CNTNAP2: variants seen among roughly 807,000 people sequenced by gnomAD.
CNTNAP2 encodes contactin associated protein 2, also known as contactin-associated protein-like 2.
CNTNAP2 carries 98 observed loss-of-function variants against 155.2 expected under a neutral mutation model. The ratio of observed to expected loss-of-function variants is 0.63; its 90% CI spans 0.54 to 0.75. The LOEUF (loss-of-function observed/expected upper bound fraction) is 0.75, where lower values mean the gene tolerates loss of function less well. Ranked by LOEUF, CNTNAP2 falls within the 30% of genes least tolerant of loss-of-function variation. The pLI, the probability that CNTNAP2 is intolerant of heterozygous loss-of-function variation, is 0.00. For synonymous variants in CNTNAP2, 651 were observed against 631.2 expected (o/e 1.03, Z -0.47); for missense variants, 1,727 against 1,688.1 (o/e 1.02, Z -0.40).
chr7:148,283,255 A>AG (rs1277840999), intron 21 of CNTNAP2, among the ~76,000 whole-genome samples: 4 of 63,626 alleles, frequency 6.3e-5, no homozygotes, highest in African/African-American at 6.1e-5. Context: ...AAAAAAAAAA[A>AG]AAAGAAAGAA....
chr7:148,131,701 A>T (rs1325115069), intron 16 of CNTNAP2, among the ~76,000 whole-genome samples: 1 of 152,206 alleles, frequency 6.6e-6, no homozygotes, highest in African/African-American at 2.4e-5. Context: ...CCATTCTAGG[A>T]GCTAACAGTA....
intron 13 of CNTNAP2, among the ~76,000 whole-genome samples, chr7:147,789,560 G>A (rs1797788995): frequency 6.6e-6 from 1 of 152,092 alleles, no homozygotes; most frequent in South Asian, 2.1e-4. Flanking sequence ...CCCTTGTGAT[G>A]GTTAATATTG....
chr7:146,323,076 C>A (rs1394513031), intron 1 of CNTNAP2, among the ~76,000 whole-genome samples: 1 of 151,826 alleles, frequency 6.6e-6, no homozygotes, highest in Non-Finnish European at 1.5e-5. Context: ...TGGAAAATTA[C>A]CTATATGTGA....
At chr7:147,532,900 T>C (rs1282459412) in intron 11 of CNTNAP2, among the ~76,000 whole-genome samples, 1 of 152,184 alleles carries the variant, frequency 6.6e-6, no homozygotes, top group Non-Finnish European at 1.5e-5. Context: ...ATGTGGGAAT[T>C]CTGGGAGATA....
At chr7:147,926,097 A>G (rs557725720) in intron 14 of CNTNAP2, among the ~76,000 whole-genome samples, 1 of 152,326 alleles carries the variant, frequency 6.6e-6, no homozygotes, top group South Asian at 2.1e-4. Flanking sequence ...TGTTTAAATC[A>G]GATGTAAATG....
At chr7:147,909,359 C>A (rs914178060) in intron 14 of CNTNAP2, among the ~76,000 whole-genome samples, 1 of 152,062 alleles carries the variant, frequency 6.6e-6, no homozygotes, top group Non-Finnish European at 1.5e-5. Context: ...TGTTCTTTTT[C>A]TAAGAACTCT....
chr7:147,191,057 A>G (rs1802670676), intron 8 of CNTNAP2, among the ~76,000 whole-genome samples: 2 of 152,172 alleles, frequency 1.3e-5, no homozygotes, highest in South Asian at 2.1e-4. Flanking sequence ...GAAAGAAAGA[A>G]AAGAAGAAAA....
At chr7:146,985,702 T>C (rs1165115893) in intron 3 of CNTNAP2, among the ~76,000 whole-genome samples, 1 of 152,130 alleles carries the variant, frequency 6.6e-6, no homozygotes, top group African/African-American at 2.4e-5. Flanking sequence ...ATCAACACAG[T>C]CGATAAGTTT....
intron 1 of CNTNAP2, among the ~76,000 whole-genome samples, chr7:146,240,398 C>A (rs1799540825): frequency 6.6e-6 from 1 of 151,804 alleles, no homozygotes; most frequent in Non-Finnish European, 1.5e-5. Flanking sequence ...AAAATTAATA[C>A]CTTGAAATAA....
chr7:148,042,764 T>C (rs947254217), intron 15 of CNTNAP2, among the ~76,000 whole-genome samples: 1 of 152,208 alleles, frequency 6.6e-6, no homozygotes, highest in Non-Finnish European at 1.5e-5. Flanking sequence ...ATCCTCAATA[T>C]GCCTGCATAA....
chr7:147,653,822 A>C (rs535683761), intron 13 of CNTNAP2, among the ~76,000 whole-genome samples: 1 of 152,370 alleles, frequency 6.6e-6, no homozygotes, highest in African/African-American at 2.4e-5. Flanking sequence ...CAAATGTTAA[A>C]ATCAATTAAT....
chr7:147,063,848 A>T (rs989619383), intron 4 of CNTNAP2, among the ~76,000 whole-genome samples: 4 of 152,184 alleles, frequency 2.6e-5, no homozygotes, highest in African/African-American at 9.7e-5. Context: ...AATATAAAAA[A>T]TATAAAAGCA....
intron 13 of CNTNAP2, among the ~76,000 whole-genome samples, chr7:147,709,172 C>T (rs991029434): frequency 8.5e-5 from 13 of 152,060 alleles, no homozygotes; most frequent in African/African-American, 1.9e-4. Context: ...AGGCAATGGC[C>T]GAGCAGAATG....
At chr7:147,195,755 A>AT (rs368745987) in intron 8 of CNTNAP2, among the ~76,000 whole-genome samples, 25 of 152,188 alleles carry the variant, frequency 1.6e-4, no homozygotes, top group African/African-American at 5.5e-4. Flanking sequence ...GTTTTTGCAC[A>AT]TTGATTTTGT....
chr7:146,555,657 AC>A (rs1362983159), intron 1 of CNTNAP2, among the ~76,000 whole-genome samples: 1 of 152,202 alleles, frequency 6.6e-6, no homozygotes, highest in Non-Finnish European at 1.5e-5. Flanking sequence ...ATAAAAGACT[AC>A]AAAACAATAT....
At chr7:147,676,042 T>G (rs571973804) in intron 13 of CNTNAP2, among the ~76,000 whole-genome samples, 2 of 152,250 alleles carry the variant, frequency 1.3e-5, no homozygotes, top group African/African-American at 4.8e-5. Flanking sequence ...TGGCCATTGT[T>G]AATTTATTGA....
chr7:148,073,797 C>A (rs1803425805), intron 15 of CNTNAP2, among the ~76,000 whole-genome samples: 1 of 151,688 alleles, frequency 6.6e-6, no homozygotes, highest in Non-Finnish European at 1.5e-5. Context: ...ATACAGCAGG[C>A]CCTCCATATC....
intron 9 of CNTNAP2, among the ~76,000 whole-genome samples, chr7:147,367,805 A>C (rs1047100954): frequency 6.6e-6 from 1 of 152,084 alleles, no homozygotes; most frequent in Non-Finnish European, 1.5e-5. Flanking sequence ...TTTTTAAAAA[A>C]TTTTATGAGA....
chr7:146,668,867 A>G (rs1054489046), intron 1 of CNTNAP2, among the ~76,000 whole-genome samples: 2 of 151,820 alleles, frequency 1.3e-5, no homozygotes, highest in African/African-American at 4.8e-5. Flanking sequence ...TTCATTTATG[A>G]TTTTTATTTG....
Sources: allele counts gnomAD v4.1 joint callset (sites outside exome capture counted in the v4.1 genomes callset), GRCh38; gene constraint gnomAD v4.1.1; transcripts MANE v1.5; gene names NCBI Gene and HGNC (gene_info 2026-07-23, HGNC 2026-07-21).